ADAM22: variants seen among roughly 807,000 people sequenced by gnomAD.
The protein encoded by ADAM22 is ADAM metallopeptidase domain 22, also known as disintegrin and metalloproteinase domain-containing protein 22.
A neutral mutation model predicts 144.6 loss-of-function variants in ADAM22; 65 were observed. That is an observed-to-expected ratio of 0.45 (90% CI 0.37 to 0.55). ADAM22 has a LOEUF of 0.55. Ranked by LOEUF, ADAM22 falls within the 20% of genes least tolerant of loss-of-function variation. The probability of loss-of-function intolerance (pLI) is 0.00; values close to 1 mark genes in which losing one functional copy is unlikely to be tolerated. For missense variants in ADAM22, 974 were observed against 1,184.9 expected (o/e 0.82, Z 2.61); for synonymous variants, 391 against 412.6 (o/e 0.95, Z 0.63).
At chr7:88,115,613 C>A (rs1827577839) in intron 6 of ADAM22, among the ~76,000 whole-genome samples, 1 of 152,172 alleles carries the variant, frequency 6.6e-6, no homozygotes, top group Non-Finnish European at 1.5e-5. Flanking sequence ...CCTCATTTAA[C>A]ATTTATCACT....
At position 88,112,023 on chromosome 7, in the gene ADAM22, C is replaced by T. The variant is rs559928716; in HGVS notation, c.474-2561C>T. The stretch of plus-strand genomic sequence containing the variant: ...GCTTGCTACTTTGTTGGTGTTGCCA[C>T]GTGAATTTTGGCAAACTATGATGGT... On this transcript the variant is annotated intron_variant, in intron 5 of 31. Coordinates refer to ENST00000413139, the MANE Select transcript of ADAM22 (RefSeq NM_001324418.2). Among the ~76,000 whole-genome samples the T allele has an allele frequency of 3.9e-5, 6 of 152,256 alleles. No homozygotes were observed. The South Asian group carries it at 6.2e-4, about 16-fold the overall frequency.
intron 3 of ADAM22, among the ~76,000 whole-genome samples, chr7:88,070,797 A>G (rs1461708097): frequency 1.3e-5 from 2 of 152,148 alleles, no homozygotes; most frequent in Non-Finnish European, 2.9e-5. Context: ...GTTCAGAAAC[A>G]GGGGTGCTGG....
chr7:88,075,719 G>A, intron 4 of ADAM22, 27 bp downstream of exon 4: 1 of 1,532,994 alleles, frequency 6.5e-7, no homozygotes, highest in Non-Finnish European at 9.0e-7. Flanking sequence ...TACTTGTGGG[G>A]AAATTTGTTG....
chr7:88,104,561 G>A (rs2129487122), intron 4 of ADAM22, among the ~76,000 whole-genome samples: 1 of 150,752 alleles, frequency 6.6e-6, no homozygotes, highest in East Asian at 1.9e-4. Context: ...TAATAATATA[G>A]TTTATATAAA....
chr7:88,159,881 A>G (rs1422244962), intron 22 of ADAM22, among the ~76,000 whole-genome samples: 3 of 152,144 alleles, frequency 2.0e-5, no homozygotes, highest in African/African-American at 7.2e-5. Flanking sequence ...CCTATTCAAC[A>G]TAGTATTGGA....
At chr7:88,097,689 A>G (rs1213178248) in intron 4 of ADAM22, among the ~76,000 whole-genome samples, 1 of 150,762 alleles carries the variant, frequency 6.6e-6, no homozygotes, top group African/African-American at 2.4e-5. Flanking sequence ...TTCCTCCTGT[A>G]TTTTAGGAAT....
intron 16 of ADAM22, 21 bp downstream of exon 16, chr7:88,145,217 A>G (rs765889348): frequency 6.2e-7 from 1 of 1,612,822 alleles, no homozygotes; most frequent in Non-Finnish European, 8.5e-7. Context: ...GGTTGTTTTG[A>G]TGATATTTTC....
intron 3 of ADAM22, among the ~76,000 whole-genome samples, chr7:87,981,262 A>C (rs907006111): frequency 1.3e-5 from 2 of 152,188 alleles, no homozygotes; most frequent in Non-Finnish European, 2.9e-5. Context: ...ACAATTAGGA[A>C]AAATATCTTT....
At chr7:88,029,073 G>A (rs1364180161) in intron 3 of ADAM22, among the ~76,000 whole-genome samples, 1 of 151,954 alleles carries the variant, frequency 6.6e-6, no homozygotes, top group African/African-American at 2.4e-5. Flanking sequence ...GGAGAGTTCA[G>A]TCCATTTAAA....
intron 2 of ADAM22, among the ~76,000 whole-genome samples, chr7:87,938,554 C>A (rs978555735): frequency 6.6e-6 from 1 of 152,000 alleles, no homozygotes; most frequent in African/African-American, 2.4e-5. Flanking sequence ...CTTTCTACTT[C>A]ATAAATAAAA....
intron 5 of ADAM22, 137 bp from the exon 6 acceptor site, chr7:88,114,447 G>T (rs1458603548): frequency 1.4e-6 from 1 of 711,906 alleles, no homozygotes; most frequent in East Asian, 2.6e-5. Flanking sequence ...TGTGTGGTGT[G>T]TCTGGAGGTG....
intron 3 of ADAM22, among the ~76,000 whole-genome samples, chr7:88,039,318 C>G (rs980569852): frequency 1.3e-5 from 2 of 149,804 alleles, no homozygotes; most frequent in African/African-American, 4.9e-5. Flanking sequence ...TGGCACACGC[C>G]TGTAGTCCCA....
At chr7:88,036,281 CAAGGT>C (rs1252621270) in intron 3 of ADAM22, among the ~76,000 whole-genome samples, 2 of 152,078 alleles carry the variant, frequency 1.3e-5, no homozygotes, top group Non-Finnish European at 2.9e-5. Flanking sequence ...GTAATTGATG[CAAGGT>C]TTATTGCCCC....
intron 4 of ADAM22, among the ~76,000 whole-genome samples, chr7:88,077,107 GT>G (rs1182291706): frequency 6.6e-6 from 1 of 152,012 alleles, no homozygotes; most frequent in African/African-American, 2.4e-5. Context: ...GCTTGCTTCT[GT>G]ATCATTTTGT....
At chr7:88,178,582 T>C (rs1255446016) in intron 26 of ADAM22, among the ~76,000 whole-genome samples, 1 of 152,140 alleles carries the variant, frequency 6.6e-6, no homozygotes, top group Non-Finnish European at 1.5e-5. Flanking sequence ...GGGTAGGGAC[T>C]ATCTGTCCTA....
rs139602529 is a variant in ADAM22 at position 88,045,637 on chromosome 7, C to A, written c.324-29989C>A. Among the ~76,000 whole-genome samples the A allele has an allele frequency of 6.6e-5, 10 of 152,226 alleles. No individual in the cohort carries two copies. The East Asian group carries it at 1.7e-3, about 26-fold the overall frequency. On this transcript the variant is annotated intron_variant, in intron 3 of 31. Transcript: ENST00000413139. ...AATAGATCTCCAGAACTTATTGCCC[C>A]AGTATAATTGGACTTTTGTACCTTT...
chr7:88,186,457 G>T, intron 29 of ADAM22, 158 bp from the exon 30 acceptor site: 1 of 678,818 alleles, frequency 1.5e-6, no homozygotes, highest in South Asian at 1.6e-5. Context: ...TCATGTCATT[G>T]TATAGACTGC....
chr7:87,938,348 A>T (rs1841764752), intron 2 of ADAM22, among the ~76,000 whole-genome samples: 1 of 150,828 alleles, frequency 6.6e-6, no homozygotes, highest in Admixed American at 6.6e-5. Flanking sequence ...CCACCTGAAT[A>T]ACTGGGATTA....
chr7:88,017,176 A>G (rs1284930637), intron 3 of ADAM22, among the ~76,000 whole-genome samples: 1 of 152,182 alleles, frequency 6.6e-6, no homozygotes, highest in African/African-American at 2.4e-5. Flanking sequence ...TTACAGCTAG[A>G]TAAGAGGAAT....
Sources: gnomAD v4.1 joint callset for allele counts (sites outside exome capture counted in the v4.1 genomes callset) on GRCh38, gnomAD v4.1.1 for gene constraint, MANE v1.5 for transcripts, NCBI Gene and HGNC (gene_info 2026-07-23, HGNC 2026-07-21) for gene names.